The following ZC3H12D variants were observed in gnomAD, a reference collection of about 807,000 sequenced individuals.
ZC3H12D encodes zinc finger CCCH-type containing 12D, also known as probable ribonuclease ZC3H12D.
ZC3H12D carries 11 observed loss-of-function variants against 24.2 expected under a neutral mutation model. The ratio of observed to expected loss-of-function variants is 0.46; its 90% CI spans 0.29 to 0.75. ZC3H12D has a LOEUF of 0.75. Among genes scored for constraint, ZC3H12D ranks in the 30% least tolerant of loss-of-function variants. The pLI, the probability that ZC3H12D is intolerant of heterozygous loss-of-function variation, is 0.11. For synonymous variants in ZC3H12D, 333 were observed against 341.8 expected (o/e 0.97, Z 0.28); for missense variants, 740 against 767.7 (o/e 0.96, Z 0.43).
At chr6:149,451,771 T>C (rs1775901280) in intron 5 of ZC3H12D, among the ~76,000 whole-genome samples, 1 of 152,198 alleles carries the variant, frequency 6.6e-6, no homozygotes, top group South Asian at 2.1e-4. Context: ...CCAGGTCCCT[T>C]TGACCAGGGA....
At chr6:149,472,121 C>T (rs1267689413) in intron 2 of ZC3H12D, among the ~76,000 whole-genome samples, 5 of 152,128 alleles carry the variant, frequency 3.3e-5, no homozygotes, top group East Asian at 3.8e-4. Flanking sequence ...ATGGCAGACC[C>T]GGAGGGACAT....
chr6:149,456,616 G>GCCCCCCCCCCCCC lies in ZC3H12D; in HGVS notation c.680+49_680+50insGGGGGGGGGGGGG. ...AGGCGTGGCCACTGCCTCGACCCCG[G>GCCCCCCCCCCCCC]CCCCCCGCCCCGCCGCCCCCCAGGG... On this transcript the variant is annotated intron_variant, in intron 4 of 5. Coordinates refer to ENST00000409806, the MANE Select transcript of ZC3H12D (RefSeq NM_207360.3). The surrounding 1 kb of genome is among the most constrained non-coding windows in gnomAD (Gnocchi z 4.3). 31 of 1,130,368 alleles carry GCCCCCCCCCCCCC rather than the reference G, an allele frequency of 2.7e-5. No homozygotes were observed. The highest frequency in any genetic ancestry group is 3.8e-5 in the Non-Finnish European group (29 of 763,230). The allele number at this position is 1,130,368 out of a possible 1,614,324, so 70.0% of individuals were successfully genotyped here.
chr6:149,457,104 G>A (rs983146607), intron 3 of ZC3H12D, among the ~76,000 whole-genome samples: 5 of 152,204 alleles, frequency 3.3e-5, no homozygotes, highest in Non-Finnish European at 5.9e-5. Flanking sequence ...GGTCAAGCAG[G>A]CAGGCGCGTG....
chr6:149,451,881 G>T (rs943970804), intron 5 of ZC3H12D, among the ~76,000 whole-genome samples: 1 of 152,232 alleles, frequency 6.6e-6, no homozygotes, highest in Non-Finnish European at 1.5e-5. Flanking sequence ...GGGAGTGGGT[G>T]CTCGGGGCAG....
At chr6:149,451,604 C>T in intron 5 of ZC3H12D, 125 bp from the exon 6 acceptor site, 2 of 839,060 alleles carry the variant, frequency 2.4e-6, no homozygotes, top group Non-Finnish European at 3.4e-6. Context: ...CAAGCAGGCC[C>T]CCAGGCCGCC....
At chr6:149,479,550 T>A (rs1382147463) in intron 1 of ZC3H12D, among the ~76,000 whole-genome samples, 3 of 152,162 alleles carry the variant, frequency 2.0e-5, no homozygotes, top group Non-Finnish European at 4.4e-5. Flanking sequence ...GGCCATCTCA[T>A]CTACCACAGC....
intron 2 of ZC3H12D, among the ~76,000 whole-genome samples, chr6:149,468,184 T>C (rs947333066): frequency 6.6e-6 from 1 of 152,130 alleles, no homozygotes; most frequent in African/African-American, 2.4e-5. Context: ...TTTCTCCACG[T>C]TGGTCAGGCT....
At chr6:149,478,079 A>C (rs998197915) in intron 1 of ZC3H12D, among the ~76,000 whole-genome samples, 3 of 151,556 alleles carry the variant, frequency 2.0e-5, no homozygotes, top group African/African-American at 7.3e-5. Context: ...AGGCAGGAGA[A>C]TCGCTTGAAC....
At chr6:149,480,650 C>T (rs1776410374) in intron 1 of ZC3H12D, among the ~76,000 whole-genome samples, 1 of 152,164 alleles carries the variant, frequency 6.6e-6, no homozygotes, top group Non-Finnish European at 1.5e-5. Context: ...GCAGGAGAAT[C>T]ACTTGAAACC....
rs774945515 is a variant in ZC3H12D, at chr6:149,456,653, C to T, written c.680+13G>A. The T allele has an allele frequency of 6.2e-7, 1 of 1,608,306 alleles. No individual in the cohort carries two copies. The highest frequency in any genetic ancestry group is 2.2e-5 in the East Asian group (1 of 44,828). ...GCCGCCCCCCAGGGTGTCAGGACCCCAGCCGGACCTACCGGTCGTTGACGA... is the reference window on the plus strand; with the variant it reads ...GCCGCCCCCCAGGGTGTCAGGACCCTAGCCGGACCTACCGGTCGTTGACGA... On this transcript the variant is annotated intron_variant, in intron 4 of 5. Transcript: ENST00000409806. The surrounding 1 kb of genome is among the most constrained non-coding windows in gnomAD (Gnocchi z 4.3).
Position 149,457,727 on chromosome 6 carries a change from C to T in ZC3H12D, c.446-827G>A, listed in dbSNP as rs569803520. Reference sequence around the variant, plus strand: ...CTTTCTTATCAGAGGCTAAAATCTGCATCCCAGGAGGGTCAGCTGTTTGAT... The same window carrying T: ...CTTTCTTATCAGAGGCTAAAATCTGTATCCCAGGAGGGTCAGCTGTTTGAT... On this transcript the variant is annotated intron_variant, in intron 3 of 5. Coordinates refer to ENST00000409806, the MANE Select transcript of ZC3H12D (RefSeq NM_207360.3). Among the ~76,000 whole-genome samples, 3 of 152,254 alleles carry T rather than the reference C, an allele frequency of 2.0e-5. No individual in the cohort carries two copies. In the East Asian group the frequency reaches 5.8e-4, roughly 29 times the overall value.
In ZC3H12D at chr6:149,474,531, T is replaced by C. The variant is rs764555557; in HGVS notation, c.13A>G (p.Ser5Gly). 4 of 1,529,448 alleles carry C rather than the reference T, an allele frequency of 2.6e-6. No homozygotes were observed. The highest frequency in any genetic ancestry group is 3.5e-6 in the Non-Finnish European group (4 of 1,130,444). The allele number at this position is 1,529,448 out of a possible 1,614,324, so 94.7% of individuals were successfully genotyped here. MEHP[S>G]KMEFFQKLGY... ...AGCTTCTGGAAGAATTCCATCTTGCTGGGGTGCTCCATGCTGTGCCCAGCG... is the reference window on the plus strand; with the variant it reads ...AGCTTCTGGAAGAATTCCATCTTGCCGGGGTGCTCCATGCTGTGCCCAGCG... Residue 5 changes from serine (S) to glycine (G), a missense_variant, in exon 2 of 6, where the codon AGC (serine) becomes GGC (glycine). Physicochemically the swap from Ser to Gly is moderately conservative, Grantham distance 56. Transcript: ENST00000409806.
chr6:149,451,061 GTCGC>G lies in ZC3H12D; in HGVS notation c.1202_1205del (p.Gly401AlafsTer96), dbSNP rs1775885374. The G allele has an allele frequency of 7.1e-7, 1 of 1,404,248 alleles. No individual in the cohort carries two copies. The highest frequency in any genetic ancestry group is 1.6e-5 in the South Asian group (1 of 62,708). The allele number at this position is 1,404,248 out of a possible 1,614,324, so 87.0% of individuals were successfully genotyped here. On this transcript the variant is annotated frameshift_variant, in exon 6 of 6. Coordinates refer to ENST00000409806, the MANE Select transcript of ZC3H12D (RefSeq NM_207360.3). LOFTEE classifies it low-confidence loss of function (END_TRUNC). Reference sequence around the variant, plus strand: ...GCTGCAGGCCGGGCGGAGGCGGGAGGTCGCCCGGGGAGAACTGGCTCTCCGGGCT... The same window carrying G: ...GCTGCAGGCCGGGCGGAGGCGGGAGGCCGGGGAGAACTGGCTCTCCGGGCT...
At chr6:149,476,232 C>A (rs967182142) in intron 1 of ZC3H12D, among the ~76,000 whole-genome samples, 4 of 152,300 alleles carry the variant, frequency 2.6e-5, no homozygotes, top group Admixed American at 1.3e-4. Context: ...GGGGGCCGGG[C>A]GCAGTGGCTC....
chr6:149,476,129 T>C (rs1462140193), intron 1 of ZC3H12D, among the ~76,000 whole-genome samples: 1 of 152,204 alleles, frequency 6.6e-6, no homozygotes, highest in Non-Finnish European at 1.5e-5. Flanking sequence ...ACACAAATAT[T>C]GTTTTAGAGT....
chr6:149,465,774 G>A (rs906923483), intron 2 of ZC3H12D, among the ~76,000 whole-genome samples: 18 of 151,236 alleles, frequency 1.2e-4, no homozygotes, highest in African/African-American at 3.9e-4. Context: ...AAAGGGGGGG[G>A]GAAGAGGAAG....
Position 149,450,698 on chromosome 6 carries a change from G to A in ZC3H12D, c.1569C>T (p.Pro523=). The A allele has an allele frequency of 1.3e-6, 2 of 1,533,108 alleles. No homozygotes were observed. Among genetic ancestry groups the A allele is most frequent in the African/African-American group, 1.4e-5 (1 of 72,836 alleles). 95.0% of individuals were successfully genotyped at this position (1,533,108 alleles called of 1,614,324 possible). The change falls in exon 6 of 6, where the codon CCC becomes CCT. Residue 523 remains proline, a synonymous_variant. Coordinates refer to ENST00000409806, the MANE Select transcript of ZC3H12D (RefSeq NM_207360.3). Reference sequence around the variant, plus strand: ...TGTTGGTCCCTTAGGGCTTGCCCAGGGGCGCCCCCGCGCTCTGGCATCTCT... The same window carrying A: ...TGTTGGTCCCTTAGGGCTTGCCCAGAGGCGCCCCCGCGCTCTGGCATCTCT... The part of the protein sequence containing the change: ...LVQRCQSAGA[P]LGKP
In ZC3H12D at chr6:149,456,127, C is replaced by G. The variant is rs562078348; in HGVS notation, c.680+539G>C. 6.6e-6 allele frequency among the ~76,000 whole-genome samples: 1 copy of G among 151,812 alleles called. No individual in the cohort carries two copies. Among genetic ancestry groups the G allele is most frequent in the Non-Finnish European group, 1.5e-5 (1 of 67,924 alleles). On this transcript the variant is annotated intron_variant, in intron 4 of 5. Coordinates refer to ENST00000409806, the MANE Select transcript of ZC3H12D (RefSeq NM_207360.3). The surrounding 1 kb of genome is among the most constrained non-coding windows in gnomAD (Gnocchi z 4.3). ...ATTAGCCAGGCATGGTGGTGCGTGCCTATAATCTCAGCTACTCGGGAGGCT... is the reference window on the plus strand; with the variant it reads ...ATTAGCCAGGCATGGTGGTGCGTGCGTATAATCTCAGCTACTCGGGAGGCT...
chr6:149,478,979 A>G (rs941212654), intron 1 of ZC3H12D, among the ~76,000 whole-genome samples: 1 of 152,214 alleles, frequency 6.6e-6, no homozygotes, highest in South Asian at 2.1e-4. Context: ...AGCAGCCCTG[A>G]CACTGACCAC....
Sources: allele counts gnomAD v4.1 joint callset (sites outside exome capture counted in the v4.1 genomes callset), GRCh38; gene constraint gnomAD v4.1.1; non-coding constraint Gnocchi (gnomAD v3.1); transcripts MANE v1.5; gene names NCBI Gene and HGNC (gene_info 2026-07-23, HGNC 2026-07-21).